Variants in ZZEF1 observed in about 807,000 individuals in gnomAD.
The protein encoded by ZZEF1 is zinc finger ZZ-type and EF-hand domain-containing protein 1.
In ZZEF1, 157 loss-of-function variants were observed where a neutral mutation model predicts 342.8. The observed-to-expected ratio is 0.46, with a 90% CI of 0.40 to 0.52. The LOEUF (loss-of-function observed/expected upper bound fraction) is 0.52. Among genes scored for constraint, ZZEF1 ranks in the 20% least tolerant of loss-of-function variants. The pLI is 0.00. For synonymous variants in ZZEF1, 1,505 were observed against 1,429.1 expected, an observed-to-expected ratio of 1.05 and a Z score of -1.20; for missense variants, 3,480 against 3,725.6, an observed-to-expected ratio of 0.93 and a Z score of 1.72.
rs190521872 is a variant in ZZEF1 at position 4,057,346 on chromosome 17, C to T, written c.5165+648G>A. ...CCCCTTTTCCCTTGGAACCGCTCTC[C>T]TGAGAGAGTGGAGACTGTCCTGGTG... On this transcript the variant is annotated intron_variant, in intron 32 of 54. Coordinates refer to ENST00000381638, the MANE Select transcript of ZZEF1 (RefSeq NM_015113.4). Among the ~76,000 whole-genome samples, 347 of 152,232 alleles carry T rather than the reference C, an allele frequency of 2.3e-3. 2 individuals carry two copies. Among genetic ancestry groups the T allele is most frequent in the African/African-American group, 8.1e-3 (335 of 41,482 alleles).
At chr17:4,093,038 T>C (rs2057973147) in intron 11 of ZZEF1, among the ~76,000 whole-genome samples, 1 of 151,774 alleles carries the variant, frequency 6.6e-6, no homozygotes, top group Non-Finnish European at 1.5e-5. Context: ...CTGGTGAATA[T>C]GTAGGCCAAC....
At position 4,016,596 on chromosome 17, in the gene ZZEF1, C is replaced by A. The variant is rs946077621; in HGVS notation, c.8002-130G>T. 2.3e-5 allele frequency: 27 copies of A among 1,158,074 alleles called. 1 individual carries two copies. In the South Asian group the frequency reaches 3.3e-4, roughly 14 times the overall value. 71.7% of individuals were successfully genotyped at this position (1,158,074 alleles called of 1,614,324 possible). A position where few individuals can be genotyped will look rare whatever the true frequency, so the allele number is the denominator to read the frequency against. ...AGACCTAGGACGAGCCTCTGTGACT[C>A]CACCACCCAAAACCAACTCCACCAG... On this transcript the variant is annotated intron_variant, in intron 48 of 54. Transcript: ENST00000381638. This position sits in a 1 kb window ranked among gnomAD's most constrained non-coding sequence, Gnocchi z 4.4.
In ZZEF1 at chr17:4,032,115, AC is replaced by A; in HGVS notation, c.6892+10del. The A allele has an allele frequency of 6.2e-7, 1 of 1,602,704 alleles. No individual in the cohort carries two copies. The highest frequency in any genetic ancestry group is 8.5e-7 in the Non-Finnish European group (1 of 1,176,882). ...CTTCCATTCTTAGAAAAAAATAATTACGCATGGTACCTGTTTTCCTCTTCCG... is the reference window on the plus strand; with the variant it reads ...CTTCCATTCTTAGAAAAAAATAATTAGCATGGTACCTGTTTTCCTCTTCCG... On this transcript the variant is annotated intron_variant, in intron 42 of 54. Transcript: ENST00000381638.
At chr17:4,081,758 C>A (rs2057727775) in intron 17 of ZZEF1, among the ~76,000 whole-genome samples, 1 of 152,170 alleles carries the variant, frequency 6.6e-6, no homozygotes, top group African/African-American at 2.4e-5. Context: ...CCTTGGCCAC[C>A]AATATGAAAT....
chr17:4,017,334 C>T lies in ZZEF1; in HGVS notation c.8001+37G>A. The T allele has an allele frequency of 6.5e-7, 1 of 1,549,226 alleles. No homozygotes were observed. The highest frequency in any genetic ancestry group is 2.3e-5 in the East Asian group (1 of 44,164). Reference sequence around the variant, plus strand: ...GGAAGCCTGTGGGGCAGAGGAAGAACCTGGTGGGTGAGCACAAGCTCAGTC... The same window carrying T: ...GGAAGCCTGTGGGGCAGAGGAAGAATCTGGTGGGTGAGCACAAGCTCAGTC... On this transcript the variant is annotated intron_variant, in intron 48 of 54. Coordinates refer to ENST00000381638, the MANE Select transcript of ZZEF1 (RefSeq NM_015113.4). The surrounding 1 kb of genome is among the most constrained non-coding windows in gnomAD (Gnocchi z 5.1).
intron 44 of ZZEF1, among the ~76,000 whole-genome samples, chr17:4,021,748 C>T (rs576913743): frequency 2.0e-5 from 3 of 152,230 alleles, no homozygotes; most frequent in Non-Finnish European, 4.4e-5. Context: ...GTAGCCATAA[C>T]AAATATTATG....
intron 1 of ZZEF1, among the ~76,000 whole-genome samples, chr17:4,130,697 C>T (rs1056342924): frequency 2.0e-5 from 3 of 151,992 alleles, no homozygotes; most frequent in Admixed American, 2.0e-4. Context: ...CACATCCAAA[C>T]AAGAGTTTAA....
At chr17:4,117,192 T>G in intron 2 of ZZEF1, 26 bp from the exon 3 acceptor site, 1 of 1,585,798 alleles carries the variant, frequency 6.3e-7, no homozygotes, top group Non-Finnish European at 8.6e-7. Context: ...CCATTTTTGG[T>G]GTTTTGGGGA....
intron 38 of ZZEF1, among the ~76,000 whole-genome samples, chr17:4,043,013 G>A (rs891730102): frequency 6.6e-5 from 10 of 152,116 alleles, no homozygotes; most frequent in African/African-American, 1.9e-4. Flanking sequence ...CTATGGCTGG[G>A]CATGTCTGCG....
At chr17:4,047,444 A>G (rs545659631) in intron 37 of ZZEF1, among the ~76,000 whole-genome samples, 1 of 152,234 alleles carries the variant, frequency 6.6e-6, no homozygotes, top group Admixed American at 6.5e-5. Flanking sequence ...CAGGAGTTCG[A>G]GACCAACCGG....
intron 25 of ZZEF1, among the ~76,000 whole-genome samples, chr17:4,072,407 G>C (rs1197066289): frequency 6.6e-6 from 1 of 152,206 alleles, no homozygotes; most frequent in Non-Finnish European, 1.5e-5. Context: ...CACGCATTCA[G>C]TATTTCTGAA....
In ZZEF1 at chr17:4,142,993, G is replaced by A. The variant is rs970824902; in HGVS notation, c.-98C>T. ...ACAGCAGCTGGCGGGCGGGGACGCG[G>A]AGGAGACGACGGCGGCCCCTGCGGC... is the stretch of plus-strand genomic sequence containing the variant. On this transcript the variant is annotated 5_prime_UTR_variant, in exon 1 of 55. Transcript: ENST00000381638. 3.1e-6 allele frequency: 4 copies of A among 1,270,836 alleles called. No individual in the cohort carries two copies. Among genetic ancestry groups the A allele is most frequent in the African/African-American group, 1.6e-5 (1 of 64,452 alleles). 78.7% of individuals were successfully genotyped at this position (1,270,836 alleles called of 1,614,324 possible). A position where few individuals can be genotyped will look rare whatever the true frequency, so the allele number is the denominator to read the frequency against.
chr17:4,016,114 C>A lies in ZZEF1; in HGVS notation c.8145+209G>T, dbSNP rs1020410918. On this transcript the variant is annotated intron_variant, in intron 49 of 54. Transcript: ENST00000381638. This position sits in a 1 kb window ranked among gnomAD's most constrained non-coding sequence, Gnocchi z 4.4. ...TTCTTCTATTAAAACAAGAAAAGTCCGGAGAAGAGAAGACTTGCTTGTACA... is the reference window on the plus strand; with the variant it reads ...TTCTTCTATTAAAACAAGAAAAGTCAGGAGAAGAGAAGACTTGCTTGTACA... 6.6e-6 allele frequency among the ~76,000 whole-genome samples: 1 copy of A among 152,266 alleles called. No homozygotes were observed. The highest frequency in any genetic ancestry group is 1.9e-4 in the East Asian group (1 of 5,176).
intron 3 of ZZEF1, 57 bp from the exon 4 acceptor site, chr17:4,114,527 G>C: frequency 7.5e-7 from 1 of 1,334,556 alleles, no homozygotes; most frequent in Non-Finnish European, 9.8e-7. Flanking sequence ...GGAAAAAAAA[G>C]AGTCATTTAA....
intron 32 of ZZEF1, 95 bp from the exon 33 acceptor site, chr17:4,056,440 T>G: frequency 7.8e-7 from 1 of 1,284,772 alleles, no homozygotes. Context: ...TCTATTATAT[T>G]GGGCATTTTT....
chr17:4,077,094 G>T (rs2057637672), intron 19 of ZZEF1, 105 bp from the exon 20 acceptor site: 2 of 1,153,466 alleles, frequency 1.7e-6, no homozygotes, highest in Non-Finnish European at 2.3e-6. Flanking sequence ...TGCAGAGGGG[G>T]TTCCACAGCG....
intron 6 of ZZEF1, among the ~76,000 whole-genome samples, chr17:4,108,957 T>C (rs904668367): frequency 6.6e-6 from 1 of 152,210 alleles, no homozygotes; most frequent in African/African-American, 2.4e-5. Context: ...GCCTACACTA[T>C]AGGTACCTAT....
intron 37 of ZZEF1, among the ~76,000 whole-genome samples, chr17:4,047,881 C>T (rs1474838077): frequency 6.6e-6 from 1 of 150,566 alleles, no homozygotes; most frequent in African/African-American, 2.5e-5. Flanking sequence ...GTGGAGGTTG[C>T]AGTGAGCCAA....
At chr17:4,102,894 A>T (rs184103464) in intron 8 of ZZEF1, among the ~76,000 whole-genome samples, 214 of 152,198 alleles carry the variant, frequency 1.4e-3, no homozygotes, top group Middle Eastern at 3.4e-3. Context: ...GGCAAAAAAA[A>T]ATATATATTT....
Sources: gnomAD v4.1 joint callset for allele counts (sites outside exome capture counted in the v4.1 genomes callset) on GRCh38, gnomAD v4.1.1 for gene constraint, Gnocchi (gnomAD v3.1) non-coding constraint, MANE v1.5 for transcripts, NCBI Gene and HGNC (gene_info 2026-07-23, HGNC 2026-07-21) for gene names.